The following CACNA1C variants were observed in gnomAD, a reference collection of about 807,000 sequenced individuals.
CACNA1C encodes the protein calcium voltage-gated channel subunit alpha1 C.
CACNA1C carries 30 observed loss-of-function variants against 229.0 expected under a neutral mutation model. That is an observed-to-expected ratio of 0.13 (90% CI 0.10 to 0.18). The LOEUF is 0.18. Among genes scored for constraint, CACNA1C ranks in the 10% least tolerant of loss-of-function variants. The pLI is 1.00. For synonymous variants in CACNA1C, 1,114 were observed against 1,132.5 expected (o/e 0.98, Z 0.33); for missense variants, 1,658 against 2,845.0 (o/e 0.58, Z 9.49).
Position 2,531,515 on chromosome 12 carries a change from T to C in CACNA1C, c.1391-18428T>C, listed in dbSNP as rs189681784. Among the ~76,000 whole-genome samples, 254 of 152,318 alleles carry C rather than the reference T, an allele frequency of 1.7e-3. 1 individual carries two copies. Among genetic ancestry groups the C allele is most frequent in the African/African-American group, 5.8e-3 (240 of 41,580 alleles). On this transcript the variant is annotated intron_variant, in intron 9 of 46. Transcript: ENST00000399655. ...GCATTCCAATCCCCTTGAAGCCCCA[T>C]CCAGCCCTGTCTTTCTCTTGGAGTT...
At chr12:2,165,790 C>T (rs1210919246) in intron 3 of CACNA1C, among the ~76,000 whole-genome samples, 1 of 152,118 alleles carries the variant, frequency 6.6e-6, no homozygotes, top group East Asian at 1.9e-4. Context: ...AGGTTTCTAG[C>T]ACACAGTGTG....
intron 9 of CACNA1C, 59 bp downstream of exon 9, chr12:2,513,043 G>T: frequency 6.9e-7 from 1 of 1,445,062 alleles, no homozygotes; most frequent in East Asian, 2.5e-5. Flanking sequence ...AGACAGCATC[G>T]GGGTCAGCAC....
At chr12:2,500,258 G>GGGCCATGAC (rs1238735299) in intron 7 of CACNA1C, among the ~76,000 whole-genome samples, 1 of 152,164 alleles carries the variant, frequency 6.6e-6, no homozygotes, top group Non-Finnish European at 1.5e-5. Flanking sequence ...TATGGTCCTG[G>GGGCCATGAC]CTGTCTGTGG....
intron 3 of CACNA1C, among the ~76,000 whole-genome samples, chr12:2,177,579 CCCTCCCTCCCTTCCTTCCTTCCTT>C (rs1322605930): frequency 2.2e-4 from 13 of 59,932 alleles, no homozygotes; most frequent in African/African-American, 9.4e-4. Flanking sequence ...CTCCCTCCCT[CCCTCCCTCCCTTCCTTCCTTCCTT>C]CCTTCCTTCC....
chr12:2,662,241 C>CAA lies in CACNA1C; in HGVS notation c.4233-2573_4233-2572dup, dbSNP rs34136018. 2.0e-3 allele frequency among the ~76,000 whole-genome samples: 277 copies of CAA among 135,688 alleles called. 1 individual carries two copies. The highest frequency in any genetic ancestry group is 0.01 in the East Asian group (49 of 4,842). The allele number at this position is 135,688 out of a possible 152,430, so 89.0% of individuals were successfully genotyped here. On this transcript the variant is annotated intron_variant, in intron 34 of 46. Coordinates refer to ENST00000399655, the MANE Select transcript of CACNA1C (RefSeq NM_000719.7). ...TGGGGGACAGAGAAAGACCCCATCT[C>CAA]AAAAAAAAAAAACAAGACAGGAAAA...
intron 13 of CACNA1C, among the ~76,000 whole-genome samples, chr12:2,572,769 T>A (rs111219371): frequency 1.1e-5 from 1 of 93,388 alleles, no homozygotes; most frequent in African/African-American, 4.6e-5. Flanking sequence ...CCTTCTTCTG[T>A]TCCTCCTTCT....
intron 1 of CACNA1C, among the ~76,000 whole-genome samples, chr12:2,087,310 G>T (rs1444851272): frequency 6.6e-6 from 1 of 152,148 alleles, no homozygotes; most frequent in African/African-American, 2.4e-5. Context: ...GGCACAATGG[G>T]GGAGAGTCCT....
intron 3 of CACNA1C, among the ~76,000 whole-genome samples, chr12:2,407,678 C>T (rs1187332266): frequency 3.6e-5 from 4 of 110,872 alleles, no homozygotes; most frequent in Admixed American, 1.9e-4. Flanking sequence ...ACATCGTCTC[C>T]ACTGACACCA....
chr12:2,171,799 C>T (rs2096492475), intron 3 of CACNA1C, among the ~76,000 whole-genome samples: 1 of 152,138 alleles, frequency 6.6e-6, no homozygotes, highest in Non-Finnish European at 1.5e-5. Context: ...GAGGGGCATG[C>T]GACTATCTCA....
At chr12:2,598,904 C>T (rs1306243653) in intron 21 of CACNA1C, among the ~76,000 whole-genome samples, 1 of 152,128 alleles carries the variant, frequency 6.6e-6, no homozygotes, top group African/African-American at 2.4e-5. Flanking sequence ...CTGACCAGGC[C>T]TTGGTTCCTG....
chr12:2,596,749 A>G (rs919433067), intron 20 of CACNA1C, among the ~76,000 whole-genome samples: 13 of 152,186 alleles, frequency 8.5e-5, no homozygotes, highest in Non-Finnish European at 1.6e-4. Flanking sequence ...CTTGCCCCAG[A>G]GGACATAACC....
At chr12:2,292,941 T>A (rs2093657859) in intron 3 of CACNA1C, among the ~76,000 whole-genome samples, 1 of 152,114 alleles carries the variant, frequency 6.6e-6, no homozygotes, top group Non-Finnish European at 1.5e-5. Flanking sequence ...TTCTTTTTTT[T>A]TTTTTCTGGT....
In CACNA1C at chr12:2,679,299, G is replaced by A. The variant is rs776684440; in HGVS notation, c.5092-145G>A. The A allele has an allele frequency of 1.6e-5, 10 of 611,842 alleles. No homozygotes were observed. The highest frequency in any genetic ancestry group is 3.7e-5 in the African/African-American group (2 of 54,274). The allele number at this position is 611,842 out of a possible 1,614,324, so 37.9% of individuals were successfully genotyped here. On this transcript the variant is annotated intron_variant, in intron 41 of 46. Coordinates refer to ENST00000399655, the MANE Select transcript of CACNA1C (RefSeq NM_000719.7). The surrounding 1 kb of genome is among the most constrained non-coding windows in gnomAD (Gnocchi z 5.5). ...ATGAAGAAGGTCCTCAGGTGCTCCT[G>A]GCTCCCAGCAGGGCTGTGCCTACCC...
At chr12:2,042,238 T>C (rs2050238605) in intron 1 of CACNA1C, among the ~76,000 whole-genome samples, 1 of 152,168 alleles carries the variant, frequency 6.6e-6, no homozygotes, top group Admixed American at 6.5e-5. Context: ...TAATACGATA[T>C]ATTTTTATGC....
At chr12:2,313,027 A>G (rs1181038551) in intron 3 of CACNA1C, among the ~76,000 whole-genome samples, 4 of 152,142 alleles carry the variant, frequency 2.6e-5, no homozygotes, top group African/African-American at 9.7e-5. Flanking sequence ...TTAGAATTCT[A>G]TATAGCAGAA....
intron 1 of CACNA1C, among the ~76,000 whole-genome samples, chr12:2,030,105 C>T (rs768695537): frequency 1.1e-4 from 16 of 152,114 alleles, no homozygotes; most frequent in South Asian, 2.1e-4. Context: ...TGTCATAACG[C>T]GGATTACCAG....
chr12:2,033,471 T>G (rs941036886), intron 1 of CACNA1C, among the ~76,000 whole-genome samples: 2 of 152,136 alleles, frequency 1.3e-5, no homozygotes, highest in African/African-American at 4.8e-5. Context: ...GTCCCTTCTT[T>G]CCTGAAAAAT....
intron 3 of CACNA1C, among the ~76,000 whole-genome samples, chr12:2,135,697 C>G (rs558148773): frequency 0.02 from 2,814 of 140,990 alleles, 264 homozygotes; most frequent in African/African-American, 0.054. Flanking sequence ...GGGAGAACCA[C>G]TGCTCTCTTC....
intron 9 of CACNA1C, among the ~76,000 whole-genome samples, chr12:2,527,122 C>A (rs2154581058): frequency 6.6e-6 from 1 of 152,182 alleles, no homozygotes; most frequent in East Asian, 1.9e-4. Context: ...GCAGAGGAGC[C>A]CTTGCTGTTC....
Sources: gnomAD v4.1 joint callset for allele counts (sites outside exome capture counted in the v4.1 genomes callset) on GRCh38, gnomAD v4.1.1 for gene constraint, Gnocchi (gnomAD v3.1) non-coding constraint, MANE v1.5 for transcripts, NCBI Gene and HGNC (gene_info 2026-07-23, HGNC 2026-07-21) for gene names.